The following ZNF292 variants were observed in gnomAD, a reference collection of about 807,000 sequenced individuals.
The protein encoded by ZNF292 is zinc finger protein 292.
In ZNF292, 26 loss-of-function variants were observed where a neutral mutation model predicts 217.9. The ratio of observed to expected loss-of-function variants is 0.12; its 90% CI spans 0.09 to 0.17. The LOEUF is 0.17. Among genes scored for constraint, ZNF292 ranks in the 10% least tolerant of loss-of-function variants. The probability of loss-of-function intolerance (pLI) is 1.00; values close to 1 mark genes in which losing one functional copy is unlikely to be tolerated. For synonymous variants in ZNF292, 1,257 were observed against 1,124.1 expected, an observed-to-expected ratio of 1.12 and a Z score of -2.37; for missense variants, 2,904 against 3,175.2, an observed-to-expected ratio of 0.91 and a Z score of 2.05.
chr6:87,240,429 T>A (rs1270391843), intron 5 of ZNF292, among the ~76,000 whole-genome samples: 1 of 152,176 alleles, frequency 6.6e-6, no homozygotes, highest in Non-Finnish European at 1.5e-5. Context: ...TTTAATTTTT[T>A]ATTTTTTCTT....
At chr6:87,176,177 A>G (rs1771284966) in intron 1 of ZNF292, among the ~76,000 whole-genome samples, 1 of 152,228 alleles carries the variant, frequency 6.6e-6, no homozygotes, top group African/African-American at 2.4e-5. Flanking sequence ...AAGAAGAGAA[A>G]ATAACACAAA....
chr6:87,261,945 C>T lies in ZNF292; in HGVS notation c.*144C>T. On this transcript the variant is annotated 3_prime_UTR_variant, in exon 8 of 8. Transcript: ENST00000369577. ...CCAAAAACAAAAAAGAAAAAAAAAA[C>T]ATGACATTTGTCATGTAAAACTTTT... 1 of 559,290 alleles carries T rather than the reference C, an allele frequency of 1.8e-6. No individual in the cohort carries two copies. Among genetic ancestry groups the T allele is most frequent in the Non-Finnish European group, 2.8e-6 (1 of 354,578 alleles). 34.6% of individuals were successfully genotyped at this position (559,290 alleles called of 1,614,324 possible).
rs1269984798 is a variant in ZNF292, at chr6:87,263,923, T to G, written c.*2122T>G. Reference sequence around the variant, plus strand: ...TGAAAATGCCAATGTATTGGGGCTTTTCTTTTGCTCATTAGCTTAAGAAAA... The same window carrying G: ...TGAAAATGCCAATGTATTGGGGCTTGTCTTTTGCTCATTAGCTTAAGAAAA... On this transcript the variant is annotated 3_prime_UTR_variant, in exon 8 of 8. Coordinates refer to ENST00000369577, the MANE Select transcript of ZNF292 (RefSeq NM_015021.3). 6.6e-6 allele frequency: 1 copy of G among 152,150 alleles called. No homozygotes were observed. The highest frequency in any genetic ancestry group is 6.6e-5 in the Admixed American group (1 of 15,264). 9.4% of individuals were successfully genotyped at this position (152,150 alleles called of 1,614,324 possible).
chr6:87,261,776 A>C lies in ZNF292; in HGVS notation c.8147A>C (p.Lys2716Thr). The stretch of plus-strand genomic sequence containing the variant: ...GTTATGAAAGATATCAGTATAGGTA[A>C]AGCCACAGGCAGAGGTCAGTACTGA... Reference protein sequence around the residue: ...MSVMKDISIGKATGRGQY With the variant: ...MSVMKDISIGTATGRGQY Residue 2716 changes from lysine to threonine, a missense_variant, in exon 8 of 8, where the codon AAA (lysine) becomes ACA (threonine). Around this residue, in one of 15 missense-constraint regions of ZNF292, gnomAD observed 380 missense variants for 355.3 expected, o/e 1.07. Transcript: ENST00000369577. 1 of 1,612,156 alleles carries C rather than the reference A, an allele frequency of 6.2e-7. No homozygotes were observed. The highest frequency in any genetic ancestry group is 8.5e-7 in the Non-Finnish European group (1 of 1,178,796).
intron 1 of ZNF292, among the ~76,000 whole-genome samples, chr6:87,188,297 G>T (rs1193607410): frequency 6.6e-6 from 1 of 152,158 alleles, no homozygotes; most frequent in African/African-American, 2.4e-5. Flanking sequence ...AATGGTCAGC[G>T]TGGCTAGGGA....
rs752441739 is a variant in ZNF292 at position 87,260,959 on chromosome 6, G to A, written c.7330G>A (p.Ala2444Thr). ...AAAGGAAACGTCTGAGCAAGAAGGT[G>A]CTAAGAATGATGTGAAAGATTCTGA... Reference protein sequence around the residue: ...QVKETSEQEGAKNDVKDSDTC... With the variant: ...QVKETSEQEGTKNDVKDSDTC... The change falls in exon 8 of 8, where the codon GCT (alanine) becomes ACT (threonine). Residue 2444 changes from alanine (A) to threonine (T), a missense_variant. Transcript: ENST00000369577. The A allele has an allele frequency of 6.2e-7, 1 of 1,610,026 alleles. No homozygotes were observed. Among genetic ancestry groups the A allele is most frequent in the East Asian group, 2.2e-5 (1 of 44,756 alleles).
intron 1 of ZNF292, among the ~76,000 whole-genome samples, chr6:87,159,347 G>A (rs758085620): frequency 6.6e-6 from 1 of 151,766 alleles, no homozygotes. Context: ...ATAGTAGAGC[G>A]CCCGTCATAA....
Position 87,256,620 on chromosome 6 carries a change from T to A in ZNF292, c.2991T>A (p.Asp997Glu). 6.2e-7 allele frequency: 1 copy of A among 1,613,668 alleles called. No homozygotes were observed. The highest frequency in any genetic ancestry group is 8.5e-7 in the Non-Finnish European group (1 of 1,179,832). ...QERKEQDCFN[D>E]AHVTQNSLVN... Reference sequence around the variant, plus strand: ...GAAAAGAACAAGATTGCTTTAATGATGCCCATGTTACTCAGAATTCTTTAG... The same window carrying A: ...GAAAAGAACAAGATTGCTTTAATGAAGCCCATGTTACTCAGAATTCTTTAG... The change falls in exon 8 of 8, where the codon GAT (aspartate) becomes GAA (glutamate). Residue 997 changes from aspartate (D) to glutamate (E), a missense_variant. By Grantham distance (45) the Asp-to-Glu change is conservative. Transcript: ENST00000369577.
intron 3 of ZNF292, 38 bp downstream of exon 3, chr6:87,216,415 C>T: frequency 7.0e-7 from 1 of 1,427,856 alleles, no homozygotes; most frequent in Non-Finnish European, 9.6e-7. Context: ...ACAGGTATAT[C>T]TTATGTCAGT....
chr6:87,253,899 C>G (rs950004786), intron 7 of ZNF292, among the ~76,000 whole-genome samples: 1 of 152,154 alleles, frequency 6.6e-6, no homozygotes, highest in East Asian at 1.9e-4. Flanking sequence ...TCTCTTTACT[C>G]CATGTGTCTT....
intron 1 of ZNF292, among the ~76,000 whole-genome samples, chr6:87,198,169 T>C (rs918405677): frequency 1.4e-5 from 2 of 148,126 alleles, no homozygotes; most frequent in African/African-American, 5.1e-5. Context: ...CAAGTCACCA[T>C]TGCATGTTTA....
intron 4 of ZNF292, among the ~76,000 whole-genome samples, chr6:87,229,529 C>G (rs1054024354): frequency 2.0e-5 from 3 of 152,178 alleles, no homozygotes; most frequent in African/African-American, 7.2e-5. Context: ...CGGGTTCAAG[C>G]AATTCTCCTG....
rs995745021 is a variant in ZNF292, at chr6:87,200,310, G to A, written c.169-15593G>A. ...CTGTGTTAGTGTTTTTGGAAAGTAA[G>A]TTCAAAGCCAGAAATACTGTGGAGA... On this transcript the variant is annotated intron_variant, in intron 1 of 7. Transcript: ENST00000369577. 3.3e-4 allele frequency among the ~76,000 whole-genome samples: 51 copies of A among 152,330 alleles called. 1 individual carries two copies. Among genetic ancestry groups the A allele is most frequent in the Non-Finnish European group, 5.4e-4 (37 of 68,034 alleles).
intron 1 of ZNF292, among the ~76,000 whole-genome samples, chr6:87,214,729 A>G (rs17452613): frequency 0.012 from 1,822 of 152,216 alleles, 17 homozygotes; most frequent in Non-Finnish European, 0.018. Flanking sequence ...TTGAGAGCCA[A>G]GGTCTGTGAA....
chr6:87,162,267 A>C (rs1027295631), intron 1 of ZNF292, among the ~76,000 whole-genome samples: 1 of 152,252 alleles, frequency 6.6e-6, no homozygotes, highest in African/African-American at 2.4e-5. Context: ...TTAGAGCTAC[A>C]GAATGTTTAG....
chr6:87,187,119 CAA>C (rs1308052242), intron 1 of ZNF292, among the ~76,000 whole-genome samples: 1 of 152,076 alleles, frequency 6.6e-6, no homozygotes, highest in African/African-American at 2.4e-5. Flanking sequence ...AATCTTAAGA[CAA>C]ACAGTAATCC....
rs145086757 is a variant in ZNF292, at chr6:87,230,543, C to T, written c.539-2782C>T. Among the ~76,000 whole-genome samples the T allele has an allele frequency of 4.7e-3, 707 of 152,040 alleles. 3 individuals carry two copies. The highest frequency in any genetic ancestry group is 0.012 in the African/African-American group (511 of 41,458). On this transcript the variant is annotated intron_variant, in intron 4 of 7. Transcript: ENST00000369577. Reference sequence around the variant, plus strand: ...GGTCAGGATATCAAGACCATCCTGGCGAACACGGTGAAACCCCATCTCTAC... The same window carrying T: ...GGTCAGGATATCAAGACCATCCTGGTGAACACGGTGAAACCCCATCTCTAC...
rs754684042 is a variant in ZNF292 at position 87,260,880 on chromosome 6, A to T, written c.7251A>T (p.Thr2417=). The change falls in exon 8 of 8, where the codon ACA becomes ACT. Residue 2417 remains threonine, a synonymous_variant. Coordinates refer to ENST00000369577, the MANE Select transcript of ZNF292 (RefSeq NM_015021.3). The stretch of plus-strand genomic sequence containing the variant: ...GCCATAAATTATCTAAGGCATTTAC[A>T]TCACAACACCGAAATCTTCTTATTG... ...YKCHKLSKAF[T]SQHRNLLIVF... 6.2e-7 allele frequency: 1 copy of T among 1,610,530 alleles called. No individual in the cohort carries two copies. Among genetic ancestry groups the T allele is most frequent in the South Asian group, 1.1e-5 (1 of 90,544 alleles).
At chr6:87,194,657 A>G (rs1255527071) in intron 1 of ZNF292, among the ~76,000 whole-genome samples, 3 of 152,196 alleles carry the variant, frequency 2.0e-5, no homozygotes, top group Non-Finnish European at 4.4e-5. Flanking sequence ...TACAAGTTCT[A>G]TTGTTAAAAC....
Sources: allele counts gnomAD v4.1 joint callset (sites outside exome capture counted in the v4.1 genomes callset), GRCh38; gene constraint gnomAD v4.1.1; regional missense constraint gnomAD v4.1.1; transcripts MANE v1.5; gene names NCBI Gene and HGNC (gene_info 2026-07-23, HGNC 2026-07-21).